Variants in PDE4D observed in about 807,000 individuals in gnomAD.
The protein encoded by PDE4D is 3',5'-cyclic-AMP phosphodiesterase 4D.
A neutral mutation model predicts 87.4 loss-of-function variants in PDE4D; 24 were observed. The ratio of observed to expected loss-of-function variants is 0.27; its 90% confidence interval spans 0.20 to 0.39. The LOEUF (loss-of-function observed/expected upper bound fraction) is 0.39. Among genes scored for constraint, PDE4D ranks in the 10% least tolerant of loss-of-function variants. PDE4D has a pLI of 1.00. For missense variants in PDE4D, 714 were observed against 1,041.0 expected (o/e 0.69, Z 4.32); for synonymous variants, 384 against 383.2 (o/e 1.00, Z -0.02).
intron 2 of PDE4D, among the ~76,000 whole-genome samples, chr5:60,019,899 T>G (rs532549502): frequency 1.2e-4 from 18 of 152,310 alleles, no homozygotes; most frequent in Admixed American, 3.9e-4. Flanking sequence ...TTTTATTTTT[T>G]TTTTTTGCAT....
At chr5:58,988,435 T>G in intron 11 of PDE4D, 58 bp downstream of exon 11, 1 of 627,208 alleles carries the variant, frequency 1.6e-6, no homozygotes, top group Non-Finnish European at 2.6e-6. Flanking sequence ...TAAAGACCCT[T>G]AGTCATTCTA....
At chr5:59,334,778 TA>T (rs566180156) in intron 1 of PDE4D, among the ~76,000 whole-genome samples, 144 of 146,224 alleles carry the variant, frequency 9.8e-4, no homozygotes, top group African/African-American at 2.1e-3. Flanking sequence ...TCCCCATTCC[TA>T]AAAAAAAAAA....
rs192216960 is a variant in PDE4D at position 59,615,148 on chromosome 5, A to G, written c.455+278020T>C. Among the ~76,000 whole-genome samples, 471 of 152,218 alleles carry G rather than the reference A, an allele frequency of 3.1e-3. 7 individuals carry two copies. The highest frequency in any genetic ancestry group is 0.026 in the South Asian group (125 of 4,824). On this transcript the variant is annotated intron_variant, in intron 1 of 14. Coordinates refer to ENST00000340635, the MANE Select transcript of PDE4D (RefSeq NM_001104631.2). ...CCTGGCTGGGATATTTTTATGTTGAACATTCCCATTCTAGCCATGCGCTTC... is the reference window on the plus strand; with the variant it reads ...CCTGGCTGGGATATTTTTATGTTGAGCATTCCCATTCTAGCCATGCGCTTC...
At chr5:59,492,260 A>C in intron 1 of PDE4D, among the ~76,000 whole-genome samples, 1 of 152,232 alleles carries the variant, frequency 6.6e-6, no homozygotes, top group East Asian at 1.9e-4. Flanking sequence ...CCATCTGTAC[A>C]TTCACTGACA....
intron 5 of PDE4D, among the ~76,000 whole-genome samples, chr5:59,148,721 A>G (rs973121270): frequency 6.6e-6 from 1 of 151,778 alleles, no homozygotes; most frequent in Non-Finnish European, 1.5e-5. Context: ...ATCTACTGGA[A>G]ATAAAACTGT....
intron 5 of PDE4D, among the ~76,000 whole-genome samples, chr5:59,102,077 C>T (rs1027990650): frequency 2.1e-5 from 3 of 140,328 alleles, no homozygotes; most frequent in Non-Finnish European, 4.6e-5. Context: ...TAATTTTTTC[C>T]CTACTTTTTT....
At chr5:60,361,514 C>A (rs1760066665) in intron 1 of PDE4D, among the ~76,000 whole-genome samples, 1 of 152,120 alleles carries the variant, frequency 6.6e-6, no homozygotes, top group African/African-American at 2.4e-5. Flanking sequence ...ATCAAGCAGA[C>A]AAATACTAAG....
intron 1 of PDE4D, among the ~76,000 whole-genome samples, chr5:60,468,138 T>TTTTTTTTTTTTTTTTTTTTTTTTTTTTG (rs1747522662): frequency 1.4e-5 from 1 of 70,904 alleles, no homozygotes; most frequent in African/African-American, 5.8e-5. Flanking sequence ...TTCTTTTTTC[T>TTTTTTTTTTTTTTTTTTTTTTTTTTTTG]TTTTTTTTTG....
At chr5:59,001,319 A>G (rs1183891884) in intron 6 of PDE4D, among the ~76,000 whole-genome samples, 3 of 152,138 alleles carry the variant, frequency 2.0e-5, no homozygotes, top group African/African-American at 4.8e-5. Context: ...GCTACTCTGC[A>G]GTCTTCCTGA....
At chr5:59,460,451 G>T (rs1287516739) in intron 1 of PDE4D, among the ~76,000 whole-genome samples, 2 of 152,174 alleles carry the variant, frequency 1.3e-5, no homozygotes, top group Non-Finnish European at 2.9e-5. Flanking sequence ...ACCACCAGAT[G>T]ATGTCAAGAT....
At chr5:59,278,160 TAC>T (rs1765177023) in intron 1 of PDE4D, among the ~76,000 whole-genome samples, 1 of 152,168 alleles carries the variant, frequency 6.6e-6, no homozygotes, top group Non-Finnish European at 1.5e-5. Context: ...TATTTGATGT[TAC>T]AGAGTTTTAT....
At chr5:60,489,106 C>CA (rs762107188), upstream of PDE4D, among the ~76,000 whole-genome samples, 2 of 152,008 alleles carry the variant, frequency 1.3e-5, no homozygotes, top group East Asian at 1.9e-4. Flanking sequence ...AATAAGAAAG[C>CA]AAAAAAATAT....
chr5:59,498,381 C>T (rs536537185), intron 1 of PDE4D, among the ~76,000 whole-genome samples: 1 of 150,652 alleles, frequency 6.6e-6, no homozygotes, highest in South Asian at 2.1e-4. Flanking sequence ...TTATTCTTGC[C>T]ATAGTGTTTT....
chr5:59,630,455 T>C (rs1831423509), intron 1 of PDE4D, among the ~76,000 whole-genome samples: 1 of 152,190 alleles, frequency 6.6e-6, no homozygotes, highest in Non-Finnish European at 1.5e-5. Flanking sequence ...GCTTCAATGT[T>C]CTCTTAAGAG....
At chr5:60,354,069 T>C (rs1180095222) in intron 1 of PDE4D, among the ~76,000 whole-genome samples, 1 of 152,156 alleles carries the variant, frequency 6.6e-6, no homozygotes, top group East Asian at 1.9e-4. Flanking sequence ...AGTAGAAATA[T>C]GAACATCTAT....
intron 1 of PDE4D, among the ~76,000 whole-genome samples, chr5:59,684,109 T>C (rs1429444511): frequency 6.6e-6 from 1 of 152,176 alleles, no homozygotes; most frequent in Non-Finnish European, 1.5e-5. Context: ...TATTCAACTG[T>C]CAACTCCTAA....
chr5:60,426,378 C>T (rs1021088389), intron 1 of PDE4D, among the ~76,000 whole-genome samples: 4 of 152,112 alleles, frequency 2.6e-5, no homozygotes, highest in Non-Finnish European at 4.4e-5. Context: ...ATGTCCTTTT[C>T]AGGGACATGG....
intron 1 of PDE4D, among the ~76,000 whole-genome samples, chr5:59,716,126 A>G (rs1754982991): frequency 3.9e-5 from 6 of 152,210 alleles, no homozygotes. Context: ...GCCGAAGCAG[A>G]CATCCGGTCC....
At chr5:60,255,523 C>T (rs1279098279) in intron 1 of PDE4D, among the ~76,000 whole-genome samples, 1 of 151,884 alleles carries the variant, frequency 6.6e-6, no homozygotes, top group African/African-American at 2.4e-5. Flanking sequence ...CAAATCCTAA[C>T]TGCAGCTTAC....
Sources: allele counts gnomAD v4.1 joint callset (sites outside exome capture counted in the v4.1 genomes callset), GRCh38; gene constraint gnomAD v4.1.1; transcripts MANE v1.5; gene names NCBI Gene and HGNC (gene_info 2026-07-23, HGNC 2026-07-21).